Variants in NXPH1 observed in about 807,000 individuals in gnomAD.
NXPH1 encodes neurexophilin-1.
A neutral mutation model predicts 23.7 loss-of-function variants in NXPH1; 5 were observed. That is an observed-to-expected ratio of 0.21 (90% CI 0.11 to 0.44). The LOEUF is 0.44. NXPH1 is among the 20% of genes least tolerant of loss of function. The probability of loss-of-function intolerance (pLI) is 0.99; values close to 1 mark genes in which losing one functional copy is unlikely to be tolerated. For synonymous variants in NXPH1, 144 were observed against 122.2 expected (o/e 1.18, Z -1.18); for missense variants, 324 against 321.6 (o/e 1.01, Z -0.06).
intron 2 of NXPH1, among the ~76,000 whole-genome samples, chr7:8,485,253 T>C (rs541847626): frequency 1.3e-5 from 2 of 152,164 alleles, no homozygotes; most frequent in Non-Finnish European, 2.9e-5. Flanking sequence ...CCATGTAAGA[T>C]GTGACTTTGC....
At chr7:8,529,983 A>G (rs1053230635) in intron 2 of NXPH1, among the ~76,000 whole-genome samples, 1 of 152,228 alleles carries the variant, frequency 6.6e-6, no homozygotes, top group African/African-American at 2.4e-5. Flanking sequence ...ATTTTAGAGC[A>G]CTTTGAAGTA....
chr7:8,470,467 A>G (rs1816854815), intron 2 of NXPH1, among the ~76,000 whole-genome samples: 1 of 152,176 alleles, frequency 6.6e-6, no homozygotes, highest in African/African-American at 2.4e-5. Flanking sequence ...ATTCTCAGAA[A>G]TTCATATTTT....
At chr7:8,446,716 T>C (rs1816410180) in intron 2 of NXPH1, among the ~76,000 whole-genome samples, 1 of 152,092 alleles carries the variant, frequency 6.6e-6, no homozygotes, top group South Asian at 2.1e-4. Context: ...AGTGTATAGA[T>C]CTCTAAGAAA....
intron 2 of NXPH1, among the ~76,000 whole-genome samples, chr7:8,624,783 A>T (rs1819951457): frequency 6.6e-6 from 1 of 152,126 alleles, no homozygotes. Context: ...GGTTTGGTGG[A>T]GGCTGTTGCA....
At chr7:8,739,121 C>T (rs965942051) in intron 2 of NXPH1, among the ~76,000 whole-genome samples, 68 of 137,274 alleles carry the variant, frequency 5.0e-4, no homozygotes, top group African/African-American at 1.9e-3. Context: ...ATCCCCCTTT[C>T]CAAGGGAGTG....
intron 2 of NXPH1, among the ~76,000 whole-genome samples, chr7:8,636,612 T>C (rs1158955782): frequency 1.3e-5 from 2 of 152,208 alleles, no homozygotes; most frequent in African/African-American, 4.8e-5. Context: ...TGGCATCCCA[T>C]GCAAGCTAAG....
At chr7:8,551,402 T>C (rs1818273360) in intron 2 of NXPH1, among the ~76,000 whole-genome samples, 1 of 151,536 alleles carries the variant, frequency 6.6e-6, no homozygotes, top group Non-Finnish European at 1.5e-5. Flanking sequence ...AGTTTTCCTT[T>C]ACTAAATAAA....
At chr7:8,483,421 C>T (rs891909896) in intron 2 of NXPH1, among the ~76,000 whole-genome samples, 9 of 152,080 alleles carry the variant, frequency 5.9e-5, no homozygotes, top group African/African-American at 1.9e-4. Flanking sequence ...GCCTTGACCT[C>T]CCAGGCTCAA....
At chr7:8,470,343 T>C (rs1409164546) in intron 2 of NXPH1, among the ~76,000 whole-genome samples, 1 of 152,162 alleles carries the variant, frequency 6.6e-6, no homozygotes, top group Non-Finnish European at 1.5e-5. Context: ...GGGAAGTTTT[T>C]GATATGTGGT....
intron 2 of NXPH1, among the ~76,000 whole-genome samples, chr7:8,681,631 C>A (rs1383010446): frequency 6.6e-6 from 1 of 152,168 alleles, no homozygotes. Flanking sequence ...GGCATTTCTT[C>A]AGTGTTAACA....
intron 2 of NXPH1, among the ~76,000 whole-genome samples, chr7:8,614,651 G>A (rs545032060): frequency 6.6e-5 from 10 of 152,028 alleles, no homozygotes; most frequent in Non-Finnish European, 1.5e-4. Context: ...TTGGAAAAAG[G>A]AAAGTTCCTC....
At chr7:8,537,399 G>A (rs1054986526) in intron 2 of NXPH1, among the ~76,000 whole-genome samples, 2 of 151,936 alleles carry the variant, frequency 1.3e-5, no homozygotes, top group African/African-American at 4.8e-5. Context: ...GAGGCATCAG[G>A]AAACTTACGA....
At chr7:8,600,476 C>T (rs1289207847) in intron 2 of NXPH1, among the ~76,000 whole-genome samples, 1 of 152,156 alleles carries the variant, frequency 6.6e-6, no homozygotes, top group East Asian at 1.9e-4. Context: ...TGACGTACCT[C>T]TGTGCACCAC....
At chr7:8,472,446 G>A (rs942082869) in intron 2 of NXPH1, among the ~76,000 whole-genome samples, 4 of 152,168 alleles carry the variant, frequency 2.6e-5, no homozygotes, top group African/African-American at 4.8e-5. Context: ...CTGAGCCAAC[G>A]AGGGGTTGGG....
chr7:8,621,415 G>C (rs1819866892), intron 2 of NXPH1, among the ~76,000 whole-genome samples: 1 of 152,054 alleles, frequency 6.6e-6, no homozygotes. Flanking sequence ...TTCCATCTTT[G>C]ACTTTTGAGA....
At chr7:8,733,825 G>T (rs557512021) in intron 2 of NXPH1, among the ~76,000 whole-genome samples, 1 of 152,212 alleles carries the variant, frequency 6.6e-6, no homozygotes, top group East Asian at 1.9e-4. Flanking sequence ...CATTCTGTAG[G>T]TTGTCTGTTC....
rs77604715 is a variant in NXPH1 at position 8,719,234 on chromosome 7, T to A, written c.55-31774T>A. 9.5e-3 allele frequency among the ~76,000 whole-genome samples: 1,444 copies of A among 152,340 alleles called. 24 individuals carry two copies. The highest frequency in any genetic ancestry group is 0.032 in the African/African-American group (1,320 of 41,574). Reference sequence around the variant, plus strand: ...CGCAGATTTCAGACTTAATAGGAGATAATGACTGCTTTATAGCCTGTCAGG... The same window carrying A: ...CGCAGATTTCAGACTTAATAGGAGAAAATGACTGCTTTATAGCCTGTCAGG... On this transcript the variant is annotated intron_variant, in intron 2 of 2. Coordinates refer to ENST00000405863, the MANE Select transcript of NXPH1 (RefSeq NM_152745.3).
At chr7:8,439,774 A>G (rs1816261207) in intron 2 of NXPH1, among the ~76,000 whole-genome samples, 1 of 152,220 alleles carries the variant, frequency 6.6e-6, no homozygotes, top group Non-Finnish European at 1.5e-5. Flanking sequence ...TAAAAGCTAG[A>G]TCATTTGGGT....
intron 2 of NXPH1, among the ~76,000 whole-genome samples, chr7:8,520,979 T>C (rs776111463): frequency 2.0e-5 from 3 of 152,214 alleles, no homozygotes; most frequent in Non-Finnish European, 4.4e-5. Flanking sequence ...ATTTGTCTTG[T>C]AAGCTGCACT....
Sources: allele counts gnomAD v4.1 joint callset (sites outside exome capture counted in the v4.1 genomes callset), GRCh38; gene constraint gnomAD v4.1.1; transcripts MANE v1.5; gene names NCBI Gene and HGNC (gene_info 2026-07-23, HGNC 2026-07-21).